The following ZMYM3 variants were observed in gnomAD, a reference collection of about 807,000 sequenced individuals.
The protein encoded by ZMYM3 is zinc finger MYM-type protein 3.
A neutral mutation model predicts 94.2 loss-of-function variants in ZMYM3; 6 were observed. The ratio of observed to expected loss-of-function variants is 0.06; its 90% CI spans 0.03 to 0.13. The LOEUF is 0.13. Among genes scored for constraint, ZMYM3 ranks in the 10% least tolerant of loss-of-function variants. ZMYM3 has a pLI of 1.00. For missense variants in ZMYM3, 664 were observed against 1,132.6 expected, an observed-to-expected ratio of 0.59 and a Z score of 5.94; for synonymous variants, 420 against 426.5, an observed-to-expected ratio of 0.98 and a Z score of 0.19.
At position 71,242,175 on chromosome X, in the gene ZMYM3, C is replaced by T; in HGVS notation, c.3797G>A (p.Gly1266Glu). 8.4e-7 allele frequency: 1 copy of T among 1,183,472 alleles called. No homozygotes were observed. Among genetic ancestry groups the T allele is most frequent in the Non-Finnish European group, 1.1e-6 (1 of 881,182 alleles). ...RYYAPVRQRK[G>E]RDTGPGKRKR... ...GGGAGGGGGCAGCCTCGTACCTCGC[C>T]CTTTCCTCTGGCGGACTGGGGCATA... is the stretch of plus-strand genomic sequence containing the variant. Residue 1266 changes from glycine to glutamate, a missense_variant, in exon 23 of 25, where the codon GGG becomes GAG. Transcript: ENST00000314425.
In ZMYM3 at chrX:71,244,317, C is replaced by T. The variant is rs1276180326; in HGVS notation, c.3265G>A (p.Glu1089Lys). The T allele has an allele frequency of 8.3e-7, 1 of 1,207,149 alleles. No individual in the cohort carries two copies. Among genetic ancestry groups the T allele is most frequent in the Non-Finnish European group, 1.1e-6 (1 of 894,472 alleles). Reference sequence around the variant, plus strand: ...AAGTACTTACGGCCAAAGCGCAGCTCATCACCCTTGCTGGTTTCTCCATTG... The same window carrying T: ...AAGTACTTACGGCCAAAGCGCAGCTTATCACCCTTGCTGGTTTCTCCATTG... ...YANGETSKGD[E>K]LRFGPKPMRI... is the part of the protein sequence containing the mutation. The change falls in exon 20 of 25, where the codon GAG (glutamate) becomes AAG (lysine). Residue 1089 changes from glutamate (E) to lysine (K), a missense_variant. Around this residue, in one of 9 missense-constraint regions of ZMYM3, gnomAD observed 75 missense variants for 152.5 expected, o/e 0.49. Transcript: ENST00000314425.
chrX:71,248,430 GC>G lies in ZMYM3; in HGVS notation c.1824+7del. ...GTGGCAAGACGTGGGTGGGGGTGGG[GC>G]TCTTACCTGCCAGTCCAAGACCTCA... On this transcript the variant is annotated splice_region_variant and intron_variant, in intron 10 of 24. Transcript: ENST00000314425. 1 of 1,207,244 alleles carries G rather than the reference GC, an allele frequency of 8.3e-7. No homozygotes were observed. The highest frequency in any genetic ancestry group is 1.7e-5 in the African/African-American group (1 of 57,659).
Position 71,245,400 on chromosome X carries a change from T to C in ZMYM3, c.2946A>G (p.Ala982=). 8.3e-7 allele frequency: 1 copy of C among 1,211,750 alleles called. No individual in the cohort carries two copies. The highest frequency in any genetic ancestry group is 1.1e-6 in the Non-Finnish European group (1 of 895,469). The change falls in exon 18 of 25, where the codon GCA becomes GCG. Residue 982 remains alanine, a synonymous_variant. Transcript: ENST00000314425. ...GPARDDVLAM[A]VKMANVLDEP... ...CATCCAAGACATTGGCCATCTTGAC[T>C]GCCATGGCCAGGACATCATCTCGAG...
rs151152741 is a variant in ZMYM3, at chrX:71,246,640, G to C, written c.2367C>G (p.Asn789Lys). 0.012 allele frequency: 14,132 copies of C among 1,209,862 alleles called. 79 individuals are homozygous for C. The highest frequency in any genetic ancestry group is 0.013 in the South Asian group (766 of 56,771). ...PQTPSQTKVE[N>K]SNTVRTPEEN... is the part of the protein sequence containing the mutation. Reference sequence around the variant, plus strand: ...CCTCTGGGGTCCTCACTGTGTTGCTGTTCTCCACTTTGGTTTGAGAGGGTG... The same window carrying C: ...CCTCTGGGGTCCTCACTGTGTTGCTCTTCTCCACTTTGGTTTGAGAGGGTG... Residue 789 changes from asparagine to lysine, a missense_variant, in exon 14 of 25, where the codon AAC (asparagine) becomes AAG (lysine). Physicochemically the swap from Asn to Lys is moderately conservative, Grantham distance 94. This residue lies in a region of ZMYM3 where 159 missense variants were observed against 313.0 expected (regional missense o/e 0.51). Transcript: ENST00000314425.
rs758555874 is a variant in ZMYM3 at position 71,240,641 on chromosome X, T to C, written c.*275A>G. 3.3e-4 allele frequency: 93 copies of C among 283,981 alleles called. No homozygotes were observed. Among genetic ancestry groups the C allele is most frequent in the Non-Finnish European group, 5.4e-4 (88 of 162,031 alleles). 23.4% of individuals were successfully genotyped at this position (283,981 alleles called of 1,213,427 possible). A position where few individuals can be genotyped will look rare whatever the true frequency, so the allele number is the denominator to read the frequency against. On this transcript the variant is annotated 3_prime_UTR_variant, in exon 25 of 25. Coordinates refer to ENST00000314425, the MANE Select transcript of ZMYM3 (RefSeq NM_201599.3). ...CAGAGTCTGGACCCAGAAGGAGGGG[T>C]TTACTCTGAAGCATAAAGAAAACGG...
chrX:71,249,912 G>A (rs1010789167), intron 6 of ZMYM3, 114 bp downstream of exon 6: 55 of 1,056,977 alleles, frequency 5.2e-5, no homozygotes, highest in Non-Finnish European at 5.9e-5. Context: ...CATGATGGCC[G>A]CCTTTCCTCC....
rs757464674 is a variant in ZMYM3, at chrX:71,244,853, A to G, written c.3048T>C (p.Asp1016=). 11 of 1,205,282 alleles carry G rather than the reference A, an allele frequency of 9.1e-6. No homozygotes were observed. The highest frequency in any genetic ancestry group is 5.9e-5 in the East Asian group (2 of 33,706). The change falls in exon 19 of 25, where the codon GAT becomes GAC. Residue 1016 remains aspartate, a synonymous_variant. Transcript: ENST00000314425. ...CATCCTCAGGCCCTACCAGGCCACA[A>G]TCAAAGAGGAAGTCTACACTGGGAT... is the stretch of plus-strand genomic sequence containing the variant. ...DINPSVDFLF[D]CGLVGPEDVS...
rs2030077043 is a variant in ZMYM3, at chrX:71,244,490, AG to A, written c.3112-21del. The A allele has an allele frequency of 2.5e-6, 3 of 1,207,565 alleles. No individual in the cohort carries two copies. The highest frequency in any genetic ancestry group is 3.6e-5 in the South Asian group (2 of 56,097). On this transcript the variant is annotated intron_variant, in intron 19 of 24. Coordinates refer to ENST00000314425, the MANE Select transcript of ZMYM3 (RefSeq NM_201599.3). The stretch of plus-strand genomic sequence containing the variant: ...TTGACCCTGGAGGGGAAGAGAAAGC[AG>A]GGGCATGGCAGAGGTAAGGCCAGAG...
chrX:71,250,767 C>T (rs1388652433), intron 4 of ZMYM3, 41 bp from the exon 5 acceptor site: 1 of 1,126,935 alleles, frequency 8.9e-7, no homozygotes, highest in East Asian at 3.2e-5. Context: ...GGCCACCAAA[C>T]CAGGTCTCCA....
chrX:71,252,996 T>C lies in ZMYM3; in HGVS notation c.260A>G (p.Tyr87Cys), dbSNP rs777873195. ...TELLGLGGLLYKAPSPPEVDH... is the reference protein window; with the variant it reads ...TELLGLGGLLCKAPSPPEVDH... ...CACCTCCGGGGGAGAGGGGGCTTTA[T>C]AGAGCAGCCCCCCCAGCCCCAGCAA... The change falls in exon 2 of 25, where the codon TAT (tyrosine) becomes TGT (cysteine). Residue 87 changes from tyrosine to cysteine, a missense_variant. Coordinates refer to ENST00000314425, the MANE Select transcript of ZMYM3 (RefSeq NM_201599.3). 5.9e-5 allele frequency: 71 copies of C among 1,206,584 alleles called. No homozygotes were observed. The highest frequency in any genetic ancestry group is 4.6e-4 in the Middle Eastern group (2 of 4,328).
Position 71,240,881 on chromosome X carries a change from T to G in ZMYM3, c.*35A>C. The G allele has an allele frequency of 8.4e-7, 1 of 1,188,393 alleles. No homozygotes were observed. The highest frequency in any genetic ancestry group is 3.0e-5 in the East Asian group (1 of 33,569). On this transcript the variant is annotated 3_prime_UTR_variant, in exon 25 of 25. Transcript: ENST00000314425. ...GAGGGACATGGCCACAGGACAGACA[T>G]TGATGTGAAAGATGGATATGGATGG...
chrX:71,242,557 G>T, intron 22 of ZMYM3, 133 bp from the exon 23 acceptor site: 2 of 846,706 alleles, frequency 2.4e-6, no homozygotes, highest in Non-Finnish European at 3.3e-6. Flanking sequence ...ATAAAACACT[G>T]TCACTTCGCT....
chrX:71,252,510 A>G lies in ZMYM3; in HGVS notation c.667+79T>C. On this transcript the variant is annotated intron_variant, in intron 2 of 24. Coordinates refer to ENST00000314425, the MANE Select transcript of ZMYM3 (RefSeq NM_201599.3). ...TCTCTCCACCCTCCTCCTCCCCACT[A>G]CTTCCCAAAGCACATAGCCACCCCT... The G allele has an allele frequency of 5.9e-6, 6 of 1,018,138 alleles. No homozygotes were observed. In the South Asian group the frequency reaches 1.6e-4, roughly 27 times the overall value. The allele number at this position is 1,018,138 out of a possible 1,213,427, so 83.9% of individuals were successfully genotyped here.
rs1569222575 is a variant in ZMYM3 at position 71,244,844 on chromosome X, C to G, written c.3057G>C (p.Leu1019=). The G allele has an allele frequency of 8.3e-7, 1 of 1,208,882 alleles. No homozygotes were observed. The highest frequency in any genetic ancestry group is 1.1e-6 in the Non-Finnish European group (1 of 894,026). ...CAGTAGACACATCCTCAGGCCCTAC[C>G]AGGCCACAATCAAAGAGGAAGTCTA... ...PSVDFLFDCG[L]VGPEDVSTEQ... The change falls in exon 19 of 25, where the codon CTG becomes CTC. Residue 1019 remains leucine (L), a synonymous_variant. Coordinates refer to ENST00000314425, the MANE Select transcript of ZMYM3 (RefSeq NM_201599.3).
At position 71,246,468 on chromosome X, in the gene ZMYM3, T is replaced by TGGGGGGGGGGGGGGG; in HGVS notation, c.2456_2457insCCCCCCCCCCCCCCC (p.Pro820_Pro824dup). The TGGGGGGGGGGGGGGG allele has an allele frequency of 8.7e-6, 1 of 115,356 alleles. No homozygotes were observed. The highest frequency in any genetic ancestry group is 3.5e-4 in the Admixed American group (1 of 2,832). 9.5% of individuals were successfully genotyped at this position (115,356 alleles called of 1,213,427 possible). ...GGGGTGTTGCTGGGGGTGGTGGGGG[T>TGGGGGGGGGGGGGGG]GGAGGGGTGGGAGCAGTGGGAGCTG... On this transcript the variant is annotated inframe_insertion, in exon 15 of 25. Coordinates refer to ENST00000314425, the MANE Select transcript of ZMYM3 (RefSeq NM_201599.3).
chrX:71,250,811 T>C, intron 4 of ZMYM3, 85 bp from the exon 5 acceptor site: 1 of 950,074 alleles, frequency 1.1e-6, no homozygotes, highest in Non-Finnish European at 1.4e-6. Flanking sequence ...GTCCCTCTCC[T>C]GGGATCCCTG....
intron 1 of ZMYM3, 124 bp from the exon 2 acceptor site, chrX:71,253,398 A>G: frequency 1.9e-6 from 1 of 522,562 alleles, no homozygotes; most frequent in Non-Finnish European, 2.8e-6. Context: ...CCACCACCAC[A>G]ATCTACAAGC....
At chrX:71,251,520 AG>A in intron 3 of ZMYM3, 37 bp downstream of exon 3, 2 of 1,171,431 alleles carry the variant, frequency 1.7e-6, no homozygotes, top group Non-Finnish European at 2.3e-6. Flanking sequence ...CCCAGAGCTA[AG>A]GGGGAACCAG....
rs142437272 is a variant in ZMYM3, at chrX:71,240,964, G to A, written c.4065C>T (p.Arg1355=). The change falls in exon 25 of 25, where the codon CGC becomes CGT. Residue 1355 remains arginine, a synonymous_variant. Transcript: ENST00000314425. ...ESMLNRILAV[R]EIYEELGRPG... ...GACGACCCAGTTCCTCATAAATCTC[G>A]CGCACAGCCAGGATGCGATTGAGCA... is the stretch of plus-strand genomic sequence containing the variant. The A allele has an allele frequency of 1.3e-3, 1,520 of 1,209,541 alleles. 3 individuals are homozygous for A. The highest frequency in any genetic ancestry group is 7.4e-3 in the Middle Eastern group (32 of 4,353).
Sources: gnomAD v4.1 joint callset for allele counts on GRCh38, gnomAD v4.1.1 for gene constraint, gnomAD v4.1.1 regional missense constraint, MANE v1.5 for transcripts, NCBI Gene and HGNC (gene_info 2026-07-23, HGNC 2026-07-21) for gene names.